CNTN5: variants seen among roughly 807,000 people sequenced by gnomAD.
CNTN5 encodes contactin 5, also known as contactin-5.
A neutral mutation model predicts 129.1 loss-of-function variants in CNTN5; 77 were observed. That is an observed-to-expected ratio of 0.60 (90% CI 0.50 to 0.72). The LOEUF is 0.72. CNTN5 is among the 30% of genes least tolerant of loss of function. CNTN5 has a pLI of 0.00. For missense variants in CNTN5, 1,478 were observed against 1,328.8 expected, an observed-to-expected ratio of 1.11 and a Z score of -1.75; for synonymous variants, 509 against 465.6, an observed-to-expected ratio of 1.09 and a Z score of -1.20.
chr11:100,010,077 T>G (rs1565785250), intron 9 of CNTN5, among the ~76,000 whole-genome samples: 1 of 152,068 alleles, frequency 6.6e-6, no homozygotes, highest in South Asian at 2.1e-4. Context: ...TTGAAAGGGA[T>G]TGAGAGATAA....
chr11:99,559,835 T>C (rs1555027447), intron 3 of CNTN5, among the ~76,000 whole-genome samples: 1 of 152,170 alleles, frequency 6.6e-6, no homozygotes. Context: ...ACTATGGAAT[T>C]CTATACAATG....
At chr11:99,387,094 C>T (rs11219732) in intron 2 of CNTN5, among the ~76,000 whole-genome samples, 9,207 of 151,966 alleles carry the variant, frequency 0.061, 674 homozygotes, top group East Asian at 0.34. Context: ...TCTTTCTAAC[C>T]GCATATTCTC....
chr11:99,455,382 A>G lies in CNTN5; in HGVS notation c.-70-100763A>G, dbSNP rs75014556. 5.7e-3 allele frequency among the ~76,000 whole-genome samples: 866 copies of G among 152,214 alleles called. 24 individuals are homozygous for G. In the East Asian group the frequency reaches 0.093, roughly 16 times the overall value. ...CAGTGGGCAACTAGAAATAAAAGAA[A>G]TTTAGGAGAGAAGAATGTATGAGTG... On this transcript the variant is annotated intron_variant, in intron 2 of 24. Coordinates refer to ENST00000524871, the MANE Select transcript of CNTN5 (RefSeq NM_014361.4).
chr11:99,693,885 A>T (rs1344419032), intron 3 of CNTN5, among the ~76,000 whole-genome samples: 2 of 152,060 alleles, frequency 1.3e-5, no homozygotes, highest in Admixed American at 6.6e-5. Flanking sequence ...GATGAAGGAG[A>T]TAGAAACATA....
intron 18 of CNTN5, among the ~76,000 whole-genome samples, chr11:100,296,971 G>T (rs1017074356): frequency 1.3e-5 from 2 of 151,460 alleles, no homozygotes; most frequent in East Asian, 3.9e-4. Flanking sequence ...CCTTTCAACT[G>T]CAGATTTCAT....
At chr11:99,740,888 G>C (rs1401180906) in intron 3 of CNTN5, among the ~76,000 whole-genome samples, 1 of 152,160 alleles carries the variant, frequency 6.6e-6, no homozygotes, top group Non-Finnish European at 1.5e-5. Context: ...AACATGGTAA[G>C]TATGCTGTTA....
rs149648586 is a variant in CNTN5 at position 100,246,954 on chromosome 11, C to T, written c.2006-8806C>T. Among the ~76,000 whole-genome samples the T allele has an allele frequency of 5.8e-3, 876 of 152,226 alleles. 8 individuals are homozygous for T. Among genetic ancestry groups the T allele is most frequent in the Non-Finnish European group, 9.1e-3 (621 of 68,008 alleles). ...AAAAAAATACAAGCACAATTCTAGC[C>T]TTCTTGTACCTAAAATCTAAAGAGG... On this transcript the variant is annotated intron_variant, in intron 16 of 24. Coordinates refer to ENST00000524871, the MANE Select transcript of CNTN5 (RefSeq NM_014361.4).
At chr11:99,513,323 C>T (rs755456961) in intron 2 of CNTN5, among the ~76,000 whole-genome samples, 2 of 152,172 alleles carry the variant, frequency 1.3e-5, no homozygotes, top group African/African-American at 2.4e-5. Context: ...ACAAAGTGCA[C>T]GGTGAAACAG....
chr11:99,057,606 A>G lies in CNTN5; in HGVS notation c.-210+36336A>G, dbSNP rs149139452. 4.6e-5 allele frequency among the ~76,000 whole-genome samples: 7 copies of G among 152,162 alleles called. No homozygotes were observed. In the East Asian group the frequency reaches 1.4e-3, roughly 29 times the overall value. ...TTTTAAAGTAAAACTTTTAATTATG[A>G]TCTTTTTTTTAGATTCAATAAAAAT... On this transcript the variant is annotated intron_variant, in intron 1 of 24. Transcript: ENST00000524871.
intron 4 of CNTN5, among the ~76,000 whole-genome samples, chr11:99,825,963 C>T (rs1026638132): frequency 4.0e-5 from 6 of 151,848 alleles, no homozygotes; most frequent in African/African-American, 1.2e-4. Context: ...GTGCAAAATC[C>T]AGCTCTTTTT....
chr11:100,054,761 G>C (rs1328304958), intron 9 of CNTN5, among the ~76,000 whole-genome samples: 1 of 151,658 alleles, frequency 6.6e-6, no homozygotes, highest in Non-Finnish European at 1.5e-5. Flanking sequence ...AGAAACCCTA[G>C]AAAGTCTGGA....
chr11:99,386,205 A>G (rs1940916203), intron 2 of CNTN5, among the ~76,000 whole-genome samples: 1 of 152,212 alleles, frequency 6.6e-6, no homozygotes, highest in East Asian at 1.9e-4. Context: ...CATCTGTTAC[A>G]GGAAAGGGGT....
At chr11:100,015,737 T>A (rs939213346) in intron 9 of CNTN5, among the ~76,000 whole-genome samples, 13 of 152,110 alleles carry the variant, frequency 8.5e-5, no homozygotes, top group African/African-American at 3.1e-4. Flanking sequence ...ATGATAAAAT[T>A]TTTTAGTATT....
At chr11:99,829,705 A>G (rs1947076763) in intron 4 of CNTN5, among the ~76,000 whole-genome samples, 1 of 152,198 alleles carries the variant, frequency 6.6e-6, no homozygotes, top group Non-Finnish European at 1.5e-5. Context: ...AAAAGGAACA[A>G]CTGAGTTGTT....
chr11:100,226,661 A>C (rs1949381570), intron 16 of CNTN5, among the ~76,000 whole-genome samples: 1 of 152,104 alleles, frequency 6.6e-6, no homozygotes, highest in South Asian at 2.1e-4. Flanking sequence ...TCTATTATAT[A>C]TTTGCATTAC....
intron 8 of CNTN5, among the ~76,000 whole-genome samples, chr11:99,987,280 G>T (rs1186718043): frequency 6.6e-6 from 1 of 151,870 alleles, no homozygotes; most frequent in Non-Finnish European, 1.5e-5. Context: ...TTAGTTTACA[G>T]CTAAAAGTGA....
intron 3 of CNTN5, among the ~76,000 whole-genome samples, chr11:99,754,043 A>T (rs1944330557): frequency 6.6e-6 from 1 of 152,142 alleles, no homozygotes; most frequent in African/African-American, 2.4e-5. Flanking sequence ...TTCTGATACA[A>T]CACATTTATG....
chr11:100,302,734 G>C (rs536228067), intron 20 of CNTN5, among the ~76,000 whole-genome samples: 20 of 151,660 alleles, frequency 1.3e-4, no homozygotes, highest in Non-Finnish European at 2.1e-4. Context: ...TTTCCCAATG[G>C]AACATGGATA....
intron 3 of CNTN5, among the ~76,000 whole-genome samples, chr11:99,699,335 T>C (rs1323510969): frequency 2.0e-5 from 3 of 151,534 alleles, no homozygotes; most frequent in African/African-American, 7.2e-5. Flanking sequence ...TAAAAAACTT[T>C]TTAAAAAATC....
Sources: allele counts gnomAD v4.1 joint callset (sites outside exome capture counted in the v4.1 genomes callset), GRCh38; gene constraint gnomAD v4.1.1; transcripts MANE v1.5; gene names NCBI Gene and HGNC (gene_info 2026-07-23, HGNC 2026-07-21).